SEC23IP: variants seen among roughly 807,000 people sequenced by gnomAD.
The protein encoded by SEC23IP is SEC23-interacting protein.
A neutral mutation model predicts 113.4 loss-of-function variants in SEC23IP; 70 were observed. That is an observed-to-expected ratio of 0.62 (90% confidence interval 0.51 to 0.75). The LOEUF is 0.75. Ranked by LOEUF, SEC23IP falls within the 30% of genes least tolerant of loss-of-function variation. SEC23IP has a pLI of 0.00. For missense variants in SEC23IP, 1,160 were observed against 1,204.9 expected (o/e 0.96, Z 0.55); for synonymous variants, 398 against 421.0 (o/e 0.95, Z 0.67).
intron 8 of SEC23IP, 107 bp from the exon 9 acceptor site, chr10:119,917,728 TG>T: frequency 1.4e-6 from 1 of 735,568 alleles, no homozygotes; most frequent in South Asian, 1.8e-5. Flanking sequence ...TCATAGTCTG[TG>T]GGGTTTTCTT....
At chr10:119,893,695 T>C (rs1854176979) in intron 1 of SEC23IP, among the ~76,000 whole-genome samples, 1 of 151,940 alleles carries the variant, frequency 6.6e-6, no homozygotes, top group South Asian at 2.1e-4. Context: ...AATTTTTGTA[T>C]TTGTAGTAGA....
intron 1 of SEC23IP, 63 bp from the exon 2 acceptor site, chr10:119,898,364 A>G: frequency 2.0e-6 from 3 of 1,485,818 alleles, no homozygotes; most frequent in Non-Finnish European, 2.7e-6. Context: ...CCTTCCTTAT[A>G]GAATCGTATC....
chr10:119,934,374 A>G (rs945962514), intron 18 of SEC23IP, among the ~76,000 whole-genome samples: 4 of 152,240 alleles, frequency 2.6e-5, no homozygotes, highest in Non-Finnish European at 4.4e-5. Flanking sequence ...GCCTGTGTCT[A>G]ATGTCCAATA....
intron 4 of SEC23IP, among the ~76,000 whole-genome samples, chr10:119,908,699 CT>C (rs1854761052): frequency 6.6e-6 from 1 of 152,108 alleles, no homozygotes; most frequent in South Asian, 2.1e-4. Flanking sequence ...TTCCTGGCAC[CT>C]AATTTTCTAC....
chr10:119,933,140 T>C lies in SEC23IP; in HGVS notation c.2894T>C (p.Phe965Ser). Reference protein sequence around the residue: ...KPIESFNEYLFALQSHLCYWE... With the variant: ...KPIESFNEYLSALQSHLCYWE... The stretch of plus-strand genomic sequence containing the variant: ...ATAGAGAGTTTTAATGAATACCTTT[T>C]CGCTCTTCAGAGTCACTTATGCTAT... Residue 965 changes from phenylalanine (F) to serine (S), a missense_variant, in exon 17 of 19, where the codon TTC (phenylalanine) becomes TCC (serine). By Grantham distance (155) the Phe-to-Ser change is radical. Transcript: ENST00000369075. 6.2e-7 allele frequency: 1 copy of C among 1,614,074 alleles called. No individual in the cohort carries two copies. Among genetic ancestry groups the C allele is most frequent in the Non-Finnish European group, 8.5e-7 (1 of 1,179,950 alleles).
intron 12 of SEC23IP, among the ~76,000 whole-genome samples, chr10:119,922,655 G>C (rs1262750943): frequency 1.3e-5 from 2 of 152,184 alleles, no homozygotes; most frequent in African/African-American, 2.4e-5. Context: ...TATAAGGTAG[G>C]AGGTGGAGAG....
Position 119,928,677 on chromosome 10 carries a change from C to G in SEC23IP, c.2314-930C>G, listed in dbSNP as rs565854414. ...TTCATTGTGCTTCACTCTCAAGATACTAAAATAAAAAGACACATTTCCTGC... is the reference window on the plus strand; with the variant it reads ...TTCATTGTGCTTCACTCTCAAGATAGTAAAATAAAAAGACACATTTCCTGC... On this transcript the variant is annotated intron_variant, in intron 13 of 18. Transcript: ENST00000369075. Among the ~76,000 whole-genome samples the G allele has an allele frequency of 1.2e-3, 181 of 152,266 alleles. 1 individual carries two copies. Among genetic ancestry groups the G allele is most frequent in the African/African-American group, 4.2e-3 (176 of 41,546 alleles).
intron 3 of SEC23IP, among the ~76,000 whole-genome samples, chr10:119,903,376 A>C (rs1043577747): frequency 2.0e-5 from 3 of 152,228 alleles, no homozygotes; most frequent in African/African-American, 7.2e-5. Flanking sequence ...TTCCCTGGTC[A>C]GATGAGTTTT....
At position 119,898,795 on chromosome 10, in the gene SEC23IP, C is replaced by T; in HGVS notation, c.532C>T (p.Pro178Ser). The change falls in exon 2 of 19, where the codon CCA (proline) becomes TCA (serine). Residue 178 changes from proline (P) to serine (S), a missense_variant. By Grantham distance (74) the Pro-to-Ser change is moderately conservative. Transcript: ENST00000369075. ...GAACCAACCCCAAGGAATTCCCCAA[C>T]CAGGATACAATCCATATCGCCATAC... is the stretch of plus-strand genomic sequence containing the variant. ...FGNQPQGIPQ[P>S]GYNPYRHTPG... 1 of 1,614,194 alleles carries T rather than the reference C, an allele frequency of 6.2e-7. No homozygotes were observed. The highest frequency in any genetic ancestry group is 8.5e-7 in the Non-Finnish European group (1 of 1,180,028).
At chr10:119,919,735 G>T in intron 11 of SEC23IP, 139 bp downstream of exon 11, 1 of 708,542 alleles carries the variant, frequency 1.4e-6, no homozygotes, top group Non-Finnish European at 2.1e-6. Context: ...GAAAAACACA[G>T]AAGAATATTT....
At chr10:119,907,683 G>A (rs1182705214) in intron 4 of SEC23IP, among the ~76,000 whole-genome samples, 1 of 152,094 alleles carries the variant, frequency 6.6e-6, no homozygotes, top group East Asian at 1.9e-4. Context: ...GGGCACCGTA[G>A]CTCACGCCTG....
intron 15 of SEC23IP, 152 bp downstream of exon 15, chr10:119,930,583 C>A (rs1381590612): frequency 6.3e-6 from 3 of 473,328 alleles, no homozygotes; most frequent in Non-Finnish European, 1.1e-5. Flanking sequence ...TTTGGAAGAG[C>A]TTTAACAAAA....
Position 119,920,954 on chromosome 10 carries a change from T to C in SEC23IP, c.2091T>C (p.Ala697=). The change falls in exon 12 of 19, where the codon GCT becomes GCC. Residue 697 remains alanine (A), a synonymous_variant. Coordinates refer to ENST00000369075, the MANE Select transcript of SEC23IP (RefSeq NM_007190.4). ...CCCTTGGACCCAGAAAGAAGATAGC[T>C]AACTTTGTAGAACATAAAGCAGCCA... The part of the protein sequence containing the change: ...GIPLGPRKKI[A]NFVEHKAAKL... 2 of 1,613,778 alleles carry C rather than the reference T, an allele frequency of 1.2e-6. No homozygotes were observed. Among genetic ancestry groups the C allele is most frequent in the Non-Finnish European group, 1.7e-6 (2 of 1,179,728 alleles).
intron 12 of SEC23IP, among the ~76,000 whole-genome samples, chr10:119,922,260 C>T (rs1029533355): frequency 6.6e-6 from 1 of 152,006 alleles, no homozygotes; most frequent in African/African-American, 2.4e-5. Flanking sequence ...GGGGAGATGG[C>T]CTTCTGGAAT....
chr10:119,940,412 T>C (rs1327635218), intron 18 of SEC23IP, among the ~76,000 whole-genome samples, 174 bp from the exon 19 acceptor site: 2 of 151,882 alleles, frequency 1.3e-5, no homozygotes, highest in African/African-American at 2.4e-5. Flanking sequence ...TGGTCTCGAT[T>C]TCCTGACCTT....
chr10:119,929,235 C>CT (rs1025952863), intron 13 of SEC23IP, among the ~76,000 whole-genome samples: 49 of 151,336 alleles, frequency 3.2e-4, no homozygotes, highest in African/African-American at 1.1e-3. Context: ...TTTTTTAGTA[C>CT]TTTTTTTTTA....
chr10:119,938,066 G>A (rs1401781903), intron 18 of SEC23IP, among the ~76,000 whole-genome samples: 2 of 151,352 alleles, frequency 1.3e-5, no homozygotes, highest in East Asian at 1.9e-4. Context: ...CGCTGTGGGA[G>A]GATTACTTGA....
At chr10:119,900,756 G>A (rs1046913164) in intron 2 of SEC23IP, among the ~76,000 whole-genome samples, 2 of 151,898 alleles carry the variant, frequency 1.3e-5, no homozygotes, top group Admixed American at 1.3e-4. Flanking sequence ...CACCACACCT[G>A]TCCCAAAATG....
At chr10:119,899,325 C>A (rs1479398734) in intron 2 of SEC23IP, among the ~76,000 whole-genome samples, 1 of 152,126 alleles carries the variant, frequency 6.6e-6, no homozygotes, top group African/African-American at 2.4e-5. Context: ...ACTAGTCAAT[C>A]AAAACACTCA....
Sources: gnomAD v4.1 joint callset for allele counts (sites outside exome capture counted in the v4.1 genomes callset) on GRCh38, gnomAD v4.1.1 for gene constraint, MANE v1.5 for transcripts, NCBI Gene and HGNC (gene_info 2026-07-23, HGNC 2026-07-21) for gene names.